Variants in SEMA6D observed in about 807,000 individuals in gnomAD.
SEMA6D encodes semaphorin-6D.
Under a neutral mutation model 106.6 loss-of-function variants are expected in SEMA6D, and 35 were observed. That is an observed-to-expected ratio of 0.33 (90% CI 0.25 to 0.44). The LOEUF is 0.44. Ranked by LOEUF, SEMA6D falls within the 20% of genes least tolerant of loss-of-function variation. SEMA6D has a pLI of 1.00. For missense variants in SEMA6D, 1,185 were observed against 1,345.9 expected (o/e 0.88, Z 1.87); for synonymous variants, 499 against 487.7 (o/e 1.02, Z -0.31).
intron 4 of SEMA6D, among the ~76,000 whole-genome samples, chr15:47,612,894 C>G (rs893900014): frequency 3.3e-5 from 5 of 152,024 alleles, no homozygotes; most frequent in Non-Finnish European, 7.4e-5. Flanking sequence ...AACTTCTTTT[C>G]TAGATCTTGT....
intron 3 of SEMA6D, chr15:47,581,370 G>T: frequency 2.0e-6 from 1 of 493,884 alleles, no homozygotes; most frequent in Non-Finnish European, 4.0e-6. Context: ...CAAGCAAACT[G>T]CCAAATAAAC....
intron 3 of SEMA6D, among the ~76,000 whole-genome samples, chr15:47,544,395 C>G (rs1217974842): frequency 6.6e-6 from 1 of 152,106 alleles, no homozygotes; most frequent in Non-Finnish European, 1.5e-5. Context: ...CTATTGAATA[C>G]ATGTTTATTG....
intron 2 of SEMA6D, among the ~76,000 whole-genome samples, chr15:47,431,862 G>T (rs960903822): frequency 6.6e-6 from 1 of 152,058 alleles, no homozygotes; most frequent in East Asian, 1.9e-4. Flanking sequence ...TTGAAACAAA[G>T]ATAATAATTA....
chr15:47,533,096 G>T (rs528947694), intron 3 of SEMA6D, among the ~76,000 whole-genome samples: 2 of 152,258 alleles, frequency 1.3e-5, no homozygotes, highest in East Asian at 3.9e-4. Flanking sequence ...CTGATAATCC[G>T]TAGGCTGGCT....
chr15:47,532,809 G>C (rs577918352), intron 3 of SEMA6D, among the ~76,000 whole-genome samples: 1 of 152,248 alleles, frequency 6.6e-6, no homozygotes, highest in East Asian at 1.9e-4. Context: ...TTCCATATCT[G>C]AGTACAGCTG....
intron 1 of SEMA6D, among the ~76,000 whole-genome samples, chr15:47,386,262 T>G (rs1489327631): frequency 6.6e-6 from 1 of 151,878 alleles, no homozygotes; most frequent in Non-Finnish European, 1.5e-5. Flanking sequence ...AGCTTCCAAC[T>G]GGGGGTAGGG....
intron 1 of SEMA6D, among the ~76,000 whole-genome samples, chr15:47,197,442 G>A (rs74013740): frequency 1.2e-3 from 187 of 151,274 alleles, no homozygotes; most frequent in African/African-American, 4.4e-3. Context: ...GATGTGCATA[G>A]ACTGCTCTTC....
At chr15:47,641,239 G>A (rs2077483493) in intron 4 of SEMA6D, among the ~76,000 whole-genome samples, 1 of 101,188 alleles carries the variant, frequency 9.9e-6, no homozygotes, top group Admixed American at 9.5e-5. Flanking sequence ...CAAGAACCAC[G>A]TCTAGAAATA....
At chr15:47,330,345 C>T (rs1269549323) in intron 1 of SEMA6D, among the ~76,000 whole-genome samples, 3 of 152,168 alleles carry the variant, frequency 2.0e-5, no homozygotes, top group South Asian at 4.1e-4. Flanking sequence ...CACAGACATG[C>T]ACTATCTCCT....
At chr15:47,716,444 T>C (rs988616687), upstream of SEMA6D, among the ~76,000 whole-genome samples, 1 of 152,206 alleles carries the variant, frequency 6.6e-6, no homozygotes, top group African/African-American at 2.4e-5. Context: ...AAGTCCTTTC[T>C]GCGCCCCTCT....
At chr15:47,597,291 A>G (rs1749868010) in intron 3 of SEMA6D, among the ~76,000 whole-genome samples, 1 of 152,092 alleles carries the variant, frequency 6.6e-6, no homozygotes, top group South Asian at 2.1e-4. Context: ...GAGTACAGCC[A>G]TTATTGAAAA....
Position 47,764,205 on chromosome 15 carries a change from A to G in SEMA6D, c.997A>G (p.Met333Val). 1 of 1,613,820 alleles carries G rather than the reference A, an allele frequency of 6.2e-7. No homozygotes were observed. ...TGGTTCTGCTGTCTGTGCATTTAGC[A>G]TGGATGACATTGAAAAAGTATTCAA... ...IPGSAVCAFS[M>V]DDIEKVFKGR... The change falls in exon 11 of 19, where the codon ATG (methionine) becomes GTG (valine). Residue 333 changes from methionine (M) to valine (V), a missense_variant. Around this residue, in one of 3 missense-constraint regions of SEMA6D, gnomAD observed 291 missense variants for 423.8 expected, o/e 0.69. Coordinates refer to ENST00000536845, the MANE Select transcript of SEMA6D (RefSeq NM_001358351.3).
chr15:47,224,331 C>G (rs867700733), intron 1 of SEMA6D, among the ~76,000 whole-genome samples: 1 of 151,854 alleles, frequency 6.6e-6, no homozygotes, highest in African/African-American at 2.4e-5. Flanking sequence ...GGAATTGATT[C>G]TTTTTCTATC....
In SEMA6D at chr15:47,260,011, A is replaced by G. The variant is rs548408917; in HGVS notation, c.-239+75593A>G. Among the ~76,000 whole-genome samples, 10 of 143,566 alleles carry G rather than the reference A, an allele frequency of 7.0e-5. No homozygotes were observed. In the South Asian group the frequency reaches 2.2e-3, roughly 32 times the overall value. The allele number at this position is 143,566 out of a possible 152,430, so 94.2% of individuals were successfully genotyped here. A position where few individuals can be genotyped will look rare whatever the true frequency, so the allele number is the denominator to read the frequency against. On this transcript the variant is annotated intron_variant, in intron 1 of 19. Transcript: ENST00000558014. Reference sequence around the variant, plus strand: ...CCATTTAGCATGTTTTTTTTTTTCCATTTTGGTTATTGTATTTCCAGTTCT... The same window carrying G: ...CCATTTAGCATGTTTTTTTTTTTCCGTTTTGGTTATTGTATTTCCAGTTCT...
In SEMA6D at chr15:47,763,077, C is replaced by A; in HGVS notation, c.720C>A (p.Ile240=). ...ATGTCTATTTCTTCTTTCGAGAAAT[C>A]GCTGTCGAACATAATAATTTAGGCA... is the stretch of plus-strand genomic sequence containing the variant. ...GNYVYFFFRE[I]AVEHNNLGKA... is the part of the protein sequence containing the mutation. The change falls in exon 9 of 19, where the codon ATC becomes ATA. Residue 240 remains isoleucine (I), a synonymous_variant. Transcript: ENST00000536845. 6.2e-7 allele frequency: 1 copy of A among 1,612,322 alleles called. No individual in the cohort carries two copies. The highest frequency in any genetic ancestry group is 1.1e-5 in the South Asian group (1 of 90,882).
At chr15:47,612,819 T>C (rs1200498131) in intron 4 of SEMA6D, among the ~76,000 whole-genome samples, 1 of 152,180 alleles carries the variant, frequency 6.6e-6, no homozygotes, top group African/African-American at 2.4e-5. Flanking sequence ...AGGTGAGTTA[T>C]TATAAATGAA....
intron 1 of SEMA6D, among the ~76,000 whole-genome samples, chr15:47,191,113 G>A (rs1242467860): frequency 6.6e-6 from 1 of 152,076 alleles, no homozygotes. Context: ...GCTTGAGGCT[G>A]CAGAGAGCCG....
At chr15:47,717,928 G>A (rs961017981) in intron 1 of SEMA6D, among the ~76,000 whole-genome samples, 5 of 151,354 alleles carry the variant, frequency 3.3e-5, no homozygotes, top group South Asian at 4.2e-4. Flanking sequence ...TCTGCCTGCC[G>A]TGCAAGGGAC....
At chr15:47,656,125 G>A (rs2077788505) in intron 4 of SEMA6D, among the ~76,000 whole-genome samples, 2 of 152,212 alleles carry the variant, frequency 1.3e-5, no homozygotes, top group African/African-American at 4.8e-5. Flanking sequence ...GAGAAAATAT[G>A]TGTGTTAGAT....
Sources: gnomAD v4.1 joint callset for allele counts (sites outside exome capture counted in the v4.1 genomes callset) on GRCh38, gnomAD v4.1.1 for gene constraint, gnomAD v4.1.1 regional missense constraint, MANE v1.5 for transcripts, NCBI Gene and HGNC (gene_info 2026-07-23, HGNC 2026-07-21) for gene names.